Variants in SLC2A7 observed in about 807,000 individuals in gnomAD.
SLC2A7 encodes the protein solute carrier family 2 member 7.
In SLC2A7, 50 loss-of-function variants were observed where a neutral mutation model predicts 50.5. The ratio of observed to expected loss-of-function variants is 0.99; its 90% CI spans 0.79 to 1.25. The LOEUF is 1.25. Among genes scored for constraint, SLC2A7 ranks in the 50% most tolerant of loss-of-function variants. The pLI is 0.00. For missense variants in SLC2A7, 683 were observed against 679.1 expected, an observed-to-expected ratio of 1.01 and a Z score of -0.06; for synonymous variants, 308 against 300.4, an observed-to-expected ratio of 1.03 and a Z score of -0.26.
intron 8 of SLC2A7, 62 bp downstream of exon 8, chr1:9,013,463 G>T: frequency 1.4e-6 from 2 of 1,463,252 alleles, no homozygotes; most frequent in Non-Finnish European, 9.5e-7. Flanking sequence ...TGGGGCTCCT[G>T]TCTGCCTGGC....
intron 9 of SLC2A7, among the ~76,000 whole-genome samples, chr1:9,009,602 G>T (rs1380286108): frequency 6.6e-6 from 1 of 152,142 alleles, no homozygotes; most frequent in Admixed American, 6.5e-5. Context: ...GACTACAGGT[G>T]CACACCACCA....
intron 4 of SLC2A7, among the ~76,000 whole-genome samples, chr1:9,018,832 G>A (rs1226705418): frequency 7.0e-6 from 1 of 143,140 alleles, no homozygotes; most frequent in Non-Finnish European, 1.5e-5. Context: ...TTGGTTATTT[G>A]TACTTCAAGG....
chr1:9,003,165 A>G lies in SLC2A7; in HGVS notation c.*135T>C, dbSNP rs556602144. 1.4e-6 allele frequency: 1 copy of G among 702,760 alleles called. No individual in the cohort carries two copies. The highest frequency in any genetic ancestry group is 1.8e-5 in the African/African-American group (1 of 55,648). 43.5% of individuals were successfully genotyped at this position (702,760 alleles called of 1,614,324 possible). On this transcript the variant is annotated 3_prime_UTR_variant, in exon 12 of 12. Coordinates refer to ENST00000400906, the MANE Select transcript of SLC2A7 (RefSeq NM_207420.3). ...TATGCATTGTTGTGGGTATTTAATA[A>G]TATCCATAATTAAGTTAAATGGGGG...
At chr1:9,006,420 G>A (rs142090475) in intron 10 of SLC2A7, among the ~76,000 whole-genome samples, 10 of 152,180 alleles carry the variant, frequency 6.6e-5, no homozygotes, top group Non-Finnish European at 1.0e-4. Context: ...GCTAATTTTT[G>A]CATTTTTAGT....
At chr1:9,001,322 G>C (rs186844894), downstream of SLC2A7, among the ~76,000 whole-genome samples, 1 of 151,876 alleles carries the variant, frequency 6.6e-6, no homozygotes, top group Non-Finnish European at 1.5e-5. Flanking sequence ...GGAAACCCAC[G>C]TTATGACAAT....
At chr1:9,024,016 T>C (rs1230590649) in intron 2 of SLC2A7, among the ~76,000 whole-genome samples, 2 of 151,786 alleles carry the variant, frequency 1.3e-5, no homozygotes, top group African/African-American at 4.8e-5. Context: ...CCACCATGCC[T>C]GGCTAATTTT....
chr1:9,023,706 A>T lies in SLC2A7; in HGVS notation c.151-628T>A, dbSNP rs969343918. ...AGGATTGCTTGAGGCCAAGGGTTCA[A>T]GAGCAACCTGGCCAACATAGGGAGA... On this transcript the variant is annotated intron_variant, in intron 2 of 11. Coordinates refer to ENST00000400906, the MANE Select transcript of SLC2A7 (RefSeq NM_207420.3). Among the ~76,000 whole-genome samples the T allele has an allele frequency of 1.6e-3, 238 of 152,084 alleles. 1 individual carries two copies. The highest frequency in any genetic ancestry group is 7.1e-4 in the Non-Finnish European group (48 of 67,986).
At chr1:9,007,416 A>G (rs1333004279) in intron 9 of SLC2A7, 31 bp from the exon 10 acceptor site, 3 of 1,611,466 alleles carry the variant, frequency 1.9e-6, no homozygotes, top group South Asian at 2.2e-5. Flanking sequence ...GTCTGGGCTG[A>G]GGCCAGGAGC....
chr1:9,026,315 G>A lies in SLC2A7; in HGVS notation c.31C>T (p.Pro11Ser). 2 of 1,609,786 alleles carry A rather than the reference G, an allele frequency of 1.2e-6. No homozygotes were observed. Among genetic ancestry groups the A allele is most frequent in the Non-Finnish European group, 1.7e-6 (2 of 1,178,028 alleles). Residue 11 changes from proline (P) to serine (S), a missense_variant, in exon 1 of 12, where the codon CCC (proline) becomes TCC (serine). Coordinates refer to ENST00000400906, the MANE Select transcript of SLC2A7 (RefSeq NM_207420.3). ...CTTACCCCCTCCCTGGATGGAATGG[G>A]TGGAGGGGTTCCCGCCTCTTTGTTC... Reference protein sequence around the residue: MENKEAGTPPPIPSREGRLQP... With the variant: MENKEAGTPPSIPSREGRLQP...
Position 9,014,859 on chromosome 1 carries a change from C to T in SLC2A7, c.725G>A (p.Arg242Lys), listed in dbSNP as rs373819947. The T allele has an allele frequency of 1.3e-6, 2 of 1,597,514 alleles. No homozygotes were observed. Among genetic ancestry groups the T allele is most frequent in the African/African-American group, 1.3e-5 (1 of 74,554 alleles). ...DEATARQALRRLRGHTDMEAE... is the reference protein window; with the variant it reads ...DEATARQALRKLRGHTDMEAE... ...CTCCATGTCCGTGTGGCCTCTCAGC[C>T]TCCTCAGAGCTGCGGAAAGCAGAAC... The change falls in exon 7 of 12, where the codon AGG becomes AAG. Residue 242 changes from arginine to lysine, a missense_variant. Coordinates refer to ENST00000400906, the MANE Select transcript of SLC2A7 (RefSeq NM_207420.3).
intron 3 of SLC2A7, among the ~76,000 whole-genome samples, chr1:9,022,695 G>C (rs1408700777): frequency 6.6e-6 from 1 of 152,126 alleles, no homozygotes; most frequent in African/African-American, 2.4e-5. Context: ...TCTGTGGCAG[G>C]TGACGGAAGG....
chr1:9,003,818 A>T (rs1436919134), intron 11 of SLC2A7, among the ~76,000 whole-genome samples: 1 of 152,152 alleles, frequency 6.6e-6, no homozygotes, highest in Non-Finnish European at 1.5e-5. Context: ...AGATCGCGCT[A>T]CTGCACTCCA....
Position 9,003,489 on chromosome 1 carries a change from G to A in SLC2A7, c.1350C>T (p.Ile450=). The change falls in exon 12 of 12, where the codon ATC becomes ATT. Residue 450 remains isoleucine, a synonymous_variant. Coordinates refer to ENST00000400906, the MANE Select transcript of SLC2A7 (RefSeq NM_207420.3). ...CAGTGAGGAGGCAGATTCCGGCAAA[G>A]ATGATGAAACTGTAGGCACCGATGG... ...QEAIGAYSFI[I]FAGICLLTAI... is the part of the protein sequence containing the mutation. 1 of 1,614,206 alleles carries A rather than the reference G, an allele frequency of 6.2e-7. No individual in the cohort carries two copies. Among genetic ancestry groups the A allele is most frequent in the Non-Finnish European group, 8.5e-7 (1 of 1,180,030 alleles).
In SLC2A7 at chr1:9,022,918, C is replaced by G. The variant is rs200173738; in HGVS notation, c.311G>C (p.Arg104Thr). The G allele has an allele frequency of 9.7e-5, 157 of 1,613,758 alleles. No homozygotes were observed. The highest frequency in any genetic ancestry group is 1.2e-4 in the Non-Finnish European group (145 of 1,179,922). Residue 104 changes from arginine to threonine, a missense_variant and splice_region_variant, in exon 3 of 12, where the codon AGA (arginine) becomes ACA (threonine). Coordinates refer to ENST00000400906, the MANE Select transcript of SLC2A7 (RefSeq NM_207420.3). ...LVGLLVDSCG[R>T]KGTLLINNIF... ...TGGGAGCAGTGCACCTTCTGTTTAC[C>G]TGCCGCAGCTATCAACCAGCAGGCC...
chr1:9,009,707 C>A (rs1268287975), intron 9 of SLC2A7, among the ~76,000 whole-genome samples: 1 of 152,330 alleles, frequency 6.6e-6, no homozygotes, highest in Middle Eastern at 3.4e-3. Flanking sequence ...GTCCTCCTGC[C>A]TTGGCCTCCC....
chr1:9,004,921 G>A (rs538959982), intron 10 of SLC2A7, 42 bp from the exon 11 acceptor site: 53 of 1,598,184 alleles, frequency 3.3e-5, no homozygotes, highest in Non-Finnish European at 4.4e-5. Context: ...GAAGGACCCA[G>A]GTGTCCCCCA....
Position 9,008,393 on chromosome 1 carries a change from G to A in SLC2A7, c.1117-1008C>T, listed in dbSNP as rs771950794. Among the ~76,000 whole-genome samples the A allele has an allele frequency of 7.0e-4, 106 of 152,132 alleles. No homozygotes were observed. The highest frequency in any genetic ancestry group is 1.2e-3 in the Non-Finnish European group (80 of 68,012). ...CAAAAGCGAGGCTGGCTGGGTTGGT[G>A]GGGCCGCCCTGGACCCGGTGTGAAG... On this transcript the variant is annotated intron_variant, in intron 9 of 11. Transcript: ENST00000400906. The surrounding 1 kb of genome is among the most constrained non-coding windows in gnomAD (Gnocchi z 5.9).
At chr1:8,998,220 A>T (rs755401945), downstream of SLC2A7, among the ~76,000 whole-genome samples, 2 of 152,110 alleles carry the variant, frequency 1.3e-5, no homozygotes. Context: ...CCTGGCTAAC[A>T]TGGTGGAACC....
Position 9,013,563 on chromosome 1 carries a change from C to T in SLC2A7, c.976G>A (p.Gly326Ser). The part of the protein sequence containing the change: ...EAAHSQYVTV[G>S]SGVVNIVMTI... ...ATCACTATGTTGACGACGCCAGAGC[C>T]CACCGTTACATATTGGGAGTGAGCG... The change falls in exon 8 of 12, where the codon GGC becomes AGC. Residue 326 changes from glycine to serine, a missense_variant. Physicochemically the swap from Gly to Ser is moderately conservative, Grantham distance 56. Coordinates refer to ENST00000400906, the MANE Select transcript of SLC2A7 (RefSeq NM_207420.3). The T allele has an allele frequency of 3.1e-6, 5 of 1,614,048 alleles. No homozygotes were observed. Among genetic ancestry groups the T allele is most frequent in the Non-Finnish European group, 4.2e-6 (5 of 1,180,020 alleles).
Sources: gnomAD v4.1 joint callset for allele counts (sites outside exome capture counted in the v4.1 genomes callset) on GRCh38, gnomAD v4.1.1 for gene constraint, Gnocchi (gnomAD v3.1) non-coding constraint, MANE v1.5 for transcripts, NCBI Gene and HGNC (gene_info 2026-07-23, HGNC 2026-07-21) for gene names.